Variants in SPTAN1 observed in about 807,000 individuals in gnomAD.
The protein encoded by SPTAN1 is spectrin alpha chain, non-erythrocytic 1.
Under a neutral mutation model 331.3 loss-of-function variants are expected in SPTAN1, and 61 were observed. That is an observed-to-expected ratio of 0.18 (90% CI 0.15 to 0.23). SPTAN1 has a LOEUF of 0.23. Among genes scored for constraint, SPTAN1 ranks in the 10% least tolerant of loss-of-function variants. SPTAN1 has a pLI of 1.00. For missense variants in SPTAN1, 2,043 were observed against 3,147.9 expected (o/e 0.65, Z 8.40); for synonymous variants, 1,153 against 1,173.9 (o/e 0.98, Z 0.36).
At chr9:128,628,042 C>T in intron 51 of SPTAN1, 100 bp downstream of exon 51, 1 of 1,454,246 alleles carries the variant, frequency 6.9e-7, no homozygotes, top group Non-Finnish European at 9.7e-7. Context: ...ATGGGCCTTC[C>T]TGCCCAGGGC....
intron 45 of SPTAN1, among the ~76,000 whole-genome samples, chr9:128,623,740 C>T (rs893132234): frequency 4.6e-5 from 7 of 151,074 alleles, no homozygotes; most frequent in East Asian, 2.0e-4. Flanking sequence ...TCCCAGAGTG[C>T]TAGGATTACA....
chr9:128,619,065 T>A, intron 44 of SPTAN1, 62 bp downstream of exon 44: 3 of 1,610,448 alleles, frequency 1.9e-6, no homozygotes, highest in Non-Finnish European at 2.5e-6. Flanking sequence ...CTGGTCATCA[T>A]TTCCCTGTTG....
intron 24 of SPTAN1, among the ~76,000 whole-genome samples, 198 bp downstream of exon 24, chr9:128,594,571 C>T (rs1377799229): frequency 2.0e-5 from 3 of 151,094 alleles, no homozygotes; most frequent in Non-Finnish European, 4.4e-5. Flanking sequence ...GCTGGGATTA[C>T]AGATGTGCGT....
chr9:128,626,175 C>T, intron 48 of SPTAN1, 197 bp downstream of exon 48: 1 of 874,024 alleles, frequency 1.1e-6, no homozygotes, highest in Non-Finnish European at 1.8e-6. Context: ...CAGAAGCACG[C>T]AGGACAGACT....
At chr9:128,553,484 C>T (rs1028979261) in intron 1 of SPTAN1, 2 of 152,180 alleles carry the variant, frequency 1.3e-5, no homozygotes, top group African/African-American at 4.8e-5. Context: ...GTCAAAAATT[C>T]TACCATACCA....
chr9:128,564,046 G>A (rs1380705393), intron 1 of SPTAN1, among the ~76,000 whole-genome samples: 1 of 152,070 alleles, frequency 6.6e-6, no homozygotes, highest in Non-Finnish European at 1.5e-5. Context: ...ACCGGAGGTG[G>A]GAGGATCATT....
chr9:128,604,251 T>C, intron 28 of SPTAN1, 75 bp from the exon 29 acceptor site: 4 of 1,470,446 alleles, frequency 2.7e-6, no homozygotes, highest in Non-Finnish European at 3.8e-6. Flanking sequence ...TCAAACAAAG[T>C]CATTTTCCCA....
chr9:128,576,550 T>C (rs1423980772), intron 5 of SPTAN1, among the ~76,000 whole-genome samples: 2 of 152,338 alleles, frequency 1.3e-5, no homozygotes, highest in East Asian at 3.9e-4. Flanking sequence ...CCAAACTATT[T>C]ATTAACATAA....
intron 1 of SPTAN1, among the ~76,000 whole-genome samples, chr9:128,564,294 C>T (rs1849751607): frequency 6.6e-6 from 1 of 152,086 alleles, no homozygotes. Context: ...TGATGGGCGC[C>T]TGTAATCCCA....
At chr9:128,628,120 T>C (rs1193328099) in intron 51 of SPTAN1, 178 bp downstream of exon 51, 2 of 837,142 alleles carry the variant, frequency 2.4e-6, no homozygotes, top group Non-Finnish European at 2.1e-6. Flanking sequence ...CCATAGCCCA[T>C]GGTCCCTGGT....
Position 128,604,199 on chromosome 9 carries a change from G to A in SPTAN1, c.3628-127G>A, listed in dbSNP as rs141279297. 3 of 961,578 alleles carry A rather than the reference G, an allele frequency of 3.1e-6. No homozygotes were observed. In the East Asian group the frequency reaches 7.8e-5, roughly 25 times the overall value. 59.6% of individuals were successfully genotyped at this position (961,578 alleles called of 1,614,324 possible). ...ATTGTATACTAATTTATTCAGCGAG[G>A]AAGGTTGGAAACAGGAAATTATATA... On this transcript the variant is annotated intron_variant, in intron 28 of 56. Transcript: ENST00000372739.
At chr9:128,583,333 C>G in intron 15 of SPTAN1, 52 bp downstream of exon 15, 1 of 1,560,518 alleles carries the variant, frequency 6.4e-7, no homozygotes. Flanking sequence ...AACTAAATAC[C>G]CCTTTCTATT....
At chr9:128,558,364 A>G (rs1848898893) in intron 1 of SPTAN1, among the ~76,000 whole-genome samples, 1 of 151,782 alleles carries the variant, frequency 6.6e-6, no homozygotes, top group Non-Finnish European at 1.5e-5. Context: ...GCAAATATAT[A>G]CCTTTTTTTT....
intron 24 of SPTAN1, among the ~76,000 whole-genome samples, chr9:128,598,175 C>T (rs1854569315): frequency 6.6e-6 from 1 of 151,790 alleles, no homozygotes; most frequent in Non-Finnish European, 1.5e-5. Flanking sequence ...CTCGAACTCC[C>T]GACCTCAGGT....
chr9:128,632,936 C>T lies in SPTAN1; in HGVS notation c.7289C>T (p.Thr2430Ile). 2 of 1,612,946 alleles carry T rather than the reference C, an allele frequency of 1.2e-6. No homozygotes were observed. Among genetic ancestry groups the T allele is most frequent in the South Asian group, 1.1e-5 (1 of 91,086 alleles). Residue 2430 changes from threonine (T) to isoleucine (I), a missense_variant, in exon 56 of 57, where the codon ACC becomes ATC. Coordinates refer to ENST00000372739, the MANE Select transcript of SPTAN1 (RefSeq NM_001130438.3). ...AGCTCAGAGGGAAAGCCTTACGTGA[C>T]CAAGGAGGAGCTCTACCAGGTATGG... ...ALSSEGKPYV[T>I]KEELYQNLTR...
chr9:128,614,593 A>C (rs1408349310), intron 40 of SPTAN1, among the ~76,000 whole-genome samples: 1 of 144,214 alleles, frequency 6.9e-6, no homozygotes, highest in Non-Finnish European at 1.6e-5. Flanking sequence ...ACGTCTCAAA[A>C]AAAAAACAAA....
Position 128,627,840 on chromosome 9 carries a change from C to T in SPTAN1, c.6690-85C>T. 1 of 1,516,518 alleles carries T rather than the reference C, an allele frequency of 6.6e-7. No homozygotes were observed. Among genetic ancestry groups the T allele is most frequent in the Admixed American group, 1.7e-5 (1 of 59,886 alleles). 93.9% of individuals were successfully genotyped at this position (1,516,518 alleles called of 1,614,324 possible). A position where few individuals can be genotyped will look rare whatever the true frequency, so the allele number is the denominator to read the frequency against. ...TTCTTGCTTTTGTTTTCCTTTCTTT[C>T]TTGTGTCTTCTCTCTGTCCCCCCGA... On this transcript the variant is annotated intron_variant, in intron 50 of 56. Coordinates refer to ENST00000372739, the MANE Select transcript of SPTAN1 (RefSeq NM_001130438.3). The surrounding 1 kb of genome is among the most constrained non-coding windows in gnomAD (Gnocchi z 4.9).
At position 128,633,318 on chromosome 9, in the gene SPTAN1, C is replaced by T. The variant is rs371177004; in HGVS notation, c.7418C>T (p.Ser2473Leu). 33 of 1,613,814 alleles carry T rather than the reference C, an allele frequency of 2.0e-5. No homozygotes were observed. Among genetic ancestry groups the T allele is most frequent in the Non-Finnish European group, 2.3e-5 (27 of 1,180,044 alleles). The change falls in exon 57 of 57, where the codon TCG (serine) becomes TTG (leucine). Residue 2473 changes from serine to leucine, a missense_variant. Ser to Leu is a moderately radical substitution (Grantham distance 145). Transcript: ENST00000372739. The part of the protein sequence containing the change: ...TAFDYVEFTR[S>L]LFVN ...TTCGACTACGTGGAGTTCACCCGCT[C>T]GCTTTTCGTGAACTGAGCCACTCCC... is the stretch of plus-strand genomic sequence containing the variant.
Position 128,613,458 on chromosome 9 carries a change from G to A in SPTAN1, c.5121G>A (p.Leu1707=). The A allele has an allele frequency of 6.2e-7, 1 of 1,614,224 alleles. No individual in the cohort carries two copies. Reference sequence around the variant, plus strand: ...ACAACCTGCTGAAAAAGCATCAACTGCTGGAAGCAGATATATCTGCCCATG... The same window carrying A: ...ACAACCTGCTGAAAAAGCATCAACTACTGGAAGCAGATATATCTGCCCATG... ...SVNNLLKKHQ[L]LEADISAHED... is the part of the protein sequence containing the mutation. The change falls in exon 40 of 57, where the codon CTG becomes CTA. Residue 1707 remains leucine, a synonymous_variant. Coordinates refer to ENST00000372739, the MANE Select transcript of SPTAN1 (RefSeq NM_001130438.3).
Sources: allele counts gnomAD v4.1 joint callset (sites outside exome capture counted in the v4.1 genomes callset), GRCh38; gene constraint gnomAD v4.1.1; non-coding constraint Gnocchi (gnomAD v3.1); transcripts MANE v1.5; gene names NCBI Gene and HGNC (gene_info 2026-07-23, HGNC 2026-07-21).